PLXDC2: variants seen among roughly 807,000 people sequenced by gnomAD.
PLXDC2 encodes the protein plexin domain containing 2.
Under a neutral mutation model 68.9 loss-of-function variants are expected in PLXDC2, and 40 were observed. That is an observed-to-expected ratio of 0.58 (90% CI 0.45 to 0.76). The LOEUF is 0.76. Ranked by LOEUF, PLXDC2 falls within the 30% of genes least tolerant of loss-of-function variation. The probability of loss-of-function intolerance (pLI) is 0.00; values close to 1 mark genes in which losing one functional copy is unlikely to be tolerated. For missense variants in PLXDC2, 644 were observed against 661.9 expected (o/e 0.97, Z 0.30); for synonymous variants, 243 against 234.2 (o/e 1.04, Z -0.34).
At chr10:19,841,321 C>T (rs1431977405) in intron 1 of PLXDC2, among the ~76,000 whole-genome samples, 4 of 152,116 alleles carry the variant, frequency 2.6e-5, no homozygotes, top group Admixed American at 2.6e-4. Context: ...CCTTGTTCTT[C>T]AGTGTGTCTT....
Position 20,173,237 on chromosome 10 carries a change from G to A in PLXDC2, c.884-3762G>A, listed in dbSNP as rs370244803. ...AAGAAATAAGATACAACCATATGGAGCCAGTCATTAAGCATTGGCAACACA... is the reference window on the plus strand; with the variant it reads ...AAGAAATAAGATACAACCATATGGAACCAGTCATTAAGCATTGGCAACACA... On this transcript the variant is annotated intron_variant, in intron 7 of 13. Transcript: ENST00000377252. Among the ~76,000 whole-genome samples, 62 of 152,284 alleles carry A rather than the reference G, an allele frequency of 4.1e-4. 2 individuals are homozygous for A. The East Asian group carries it at 5.2e-3, about 13-fold the overall frequency.
In PLXDC2 at chr10:20,162,061, AGAGAGAGAGAGAAGGAAGGAAGGAAG is replaced by A. The variant is rs1395168694; in HGVS notation, c.784-2404_784-2379del. Among the ~76,000 whole-genome samples, 671 of 113,334 alleles carry A rather than the reference AGAGAGAGAGAGAAGGAAGGAAGGAAG, an allele frequency of 5.9e-3. 19 individuals are homozygous for A. Among genetic ancestry groups the A allele is most frequent in the Admixed American group, 0.019 (201 of 10,744 alleles). The allele number at this position is 113,334 out of a possible 152,430, so 74.4% of individuals were successfully genotyped here. A position where few individuals can be genotyped will look rare whatever the true frequency, so the allele number is the denominator to read the frequency against. On this transcript the variant is annotated intron_variant, in intron 6 of 13. Coordinates refer to ENST00000377252, the MANE Select transcript of PLXDC2 (RefSeq NM_032812.9). ...GAAAGAAAGAGAGAGAGAGAGAGAG[AGAGAGAGAGAGAAGGAAGGAAGGAAG>A]GAAGGAAGGAAGGAAGGAAGGAAGG...
chr10:20,203,292 ATTT>A (rs10582241), intron 9 of PLXDC2, among the ~76,000 whole-genome samples: 85 of 144,762 alleles, frequency 5.9e-4, no homozygotes, highest in East Asian at 5.1e-3. Context: ...AATAAGATGA[ATTT>A]TTTTTTTTTT....
intron 4 of PLXDC2, among the ~76,000 whole-genome samples, chr10:20,108,062 G>T (rs1275879853): frequency 6.6e-6 from 1 of 152,108 alleles, no homozygotes; most frequent in Non-Finnish European, 1.5e-5. Context: ...AACTTTGAAA[G>T]ATTTTAAGTA....
At chr10:20,223,926 T>G (rs905493796) in intron 12 of PLXDC2, among the ~76,000 whole-genome samples, 1 of 151,994 alleles carries the variant, frequency 6.6e-6, no homozygotes, top group East Asian at 1.9e-4. Flanking sequence ...TCTCTAGAAA[T>G]GTGGATTTAA....
chr10:20,149,035 T>C (rs1834115547), intron 6 of PLXDC2, among the ~76,000 whole-genome samples: 1 of 152,100 alleles, frequency 6.6e-6, no homozygotes. Flanking sequence ...TTATAGACTA[T>C]GTCTTACTCT....
intron 2 of PLXDC2, among the ~76,000 whole-genome samples, chr10:20,016,855 C>T (rs10827926): frequency 0.35 from 53,127 of 151,992 alleles, 9,448 homozygotes; most frequent in East Asian, 0.54. Flanking sequence ...TCACTCCTTG[C>T]GGAATTCTGG....
chr10:20,279,333 AGAGT>A (rs896139464), intron 13 of PLXDC2, among the ~76,000 whole-genome samples: 6 of 152,202 alleles, frequency 3.9e-5, no homozygotes, highest in Non-Finnish European at 8.8e-5. Flanking sequence ...TAGAGAAGAG[AGAGT>A]GTCTGTGCCC....
chr10:19,997,936 GCTTCGT>G (rs1158338990), intron 1 of PLXDC2, among the ~76,000 whole-genome samples: 3 of 152,160 alleles, frequency 2.0e-5, no homozygotes, highest in Admixed American at 6.5e-5. Context: ...TGTTTTCAAA[GCTTCGT>G]CTTCTTATAT....
rs543534220 is a variant in PLXDC2 at position 20,068,536 on chromosome 10, G to T, written c.541+297G>T. ...TCCAAATGGCAGAAATTGGAATAGA[G>T]ATAGAAGGAAAGGCTGCTTAATGAA... is the stretch of plus-strand genomic sequence containing the variant. On this transcript the variant is annotated intron_variant, in intron 4 of 13. Transcript: ENST00000377252. Among the ~76,000 whole-genome samples, 15 of 150,750 alleles carry T rather than the reference G, an allele frequency of 1.0e-4. No homozygotes were observed. The East Asian group carries it at 2.9e-3, about 29-fold the overall frequency.
chr10:20,058,095 A>C (rs2131696172), intron 3 of PLXDC2, among the ~76,000 whole-genome samples: 1 of 152,292 alleles, frequency 6.6e-6, no homozygotes, highest in South Asian at 2.1e-4. Flanking sequence ...ATTTTGAATT[A>C]TTTAGTCACT....
intron 1 of PLXDC2, among the ~76,000 whole-genome samples, chr10:19,870,559 A>G (rs547182039): frequency 2.0e-5 from 3 of 151,924 alleles, no homozygotes; most frequent in East Asian, 3.9e-4. Context: ...CCAAGTAGCT[A>G]GGATTACAGG....
At chr10:20,095,662 T>C (rs1367853309) in intron 4 of PLXDC2, among the ~76,000 whole-genome samples, 2 of 152,190 alleles carry the variant, frequency 1.3e-5, no homozygotes, top group Admixed American at 6.6e-5. Flanking sequence ...CTAAAAATTC[T>C]GTGCTCTACT....
At chr10:19,985,920 C>T (rs1418104519) in intron 1 of PLXDC2, among the ~76,000 whole-genome samples, 3 of 152,158 alleles carry the variant, frequency 2.0e-5, no homozygotes, top group Non-Finnish European at 2.9e-5. Context: ...CTCCTTGTGT[C>T]AGACCACTTT....
chr10:20,111,929 G>C (rs1224219376), intron 4 of PLXDC2, among the ~76,000 whole-genome samples: 1 of 152,206 alleles, frequency 6.6e-6, no homozygotes, highest in African/African-American at 2.4e-5. Flanking sequence ...ATTTGAAGAT[G>C]AGACTTTGGA....
At chr10:19,922,869 G>A (rs1273033252) in intron 1 of PLXDC2, among the ~76,000 whole-genome samples, 1 of 152,092 alleles carries the variant, frequency 6.6e-6, no homozygotes, top group African/African-American at 2.4e-5. Flanking sequence ...TAATAACATA[G>A]TACCAAGCAT....
chr10:20,044,207 C>CTCTTTCTT lies in PLXDC2; in HGVS notation c.325-2659_325-2658insTTCTTTCT, dbSNP rs1564293827. Among the ~76,000 whole-genome samples, 57 of 89,998 alleles carry CTCTTTCTT rather than the reference C, an allele frequency of 6.3e-4. 1 individual carries two copies. Among genetic ancestry groups the CTCTTTCTT allele is most frequent in the Non-Finnish European group, 1.1e-3 (49 of 45,294 alleles). 59.0% of individuals were successfully genotyped at this position (89,998 alleles called of 152,430 possible). On this transcript the variant is annotated intron_variant, in intron 2 of 13. Coordinates refer to ENST00000377252, the MANE Select transcript of PLXDC2 (RefSeq NM_032812.9). ...TTTCTTTCTTTCTCTCTCTCTCTCT[C>CTCTTTCTT]TCTGTCTTTCTTTCTTTCTTTCTTT...
chr10:19,865,602 G>A (rs1003863144), intron 1 of PLXDC2, among the ~76,000 whole-genome samples: 13 of 152,058 alleles, frequency 8.5e-5, no homozygotes, highest in Admixed American at 3.3e-4. Context: ...AAAAAACGTC[G>A]AAAGTACCTC....
intron 7 of PLXDC2, 26 bp from the exon 8 acceptor site, chr10:20,176,973 T>A (rs778515075): frequency 6.6e-6 from 10 of 1,511,304 alleles, no homozygotes; most frequent in Non-Finnish European, 9.1e-6. Flanking sequence ...AGGTTAAAAA[T>A]TGATTTTTTT....
Sources: allele counts gnomAD v4.1 joint callset (sites outside exome capture counted in the v4.1 genomes callset), GRCh38; gene constraint gnomAD v4.1.1; transcripts MANE v1.5; gene names NCBI Gene and HGNC (gene_info 2026-07-23, HGNC 2026-07-21).